The following WWOX variants were observed in gnomAD, a reference collection of about 807,000 sequenced individuals.
WWOX encodes WW domain containing oxidoreductase.
A neutral mutation model predicts 46.2 loss-of-function variants in WWOX; 69 were observed. The ratio of observed to expected loss-of-function variants is 1.49; its 90% CI spans 1.23 to 1.82. WWOX has a LOEUF of 1.82. Ranked by LOEUF, WWOX falls within the 40% of genes most tolerant of loss-of-function variation. The pLI, the probability that WWOX is intolerant of heterozygous loss-of-function variation, is 0.00. For missense variants in WWOX, 919 were observed against 542.6 expected (o/e 1.69, Z -6.89); for synonymous variants, 359 against 202.6 (o/e 1.77, Z -6.56).
At chr16:79,127,724 C>T (rs897876354) in intron 8 of WWOX, among the ~76,000 whole-genome samples, 7 of 152,108 alleles carry the variant, frequency 4.6e-5, no homozygotes, top group Admixed American at 4.6e-4. Flanking sequence ...ATTTACATTC[C>T]CACTAAGCAA....
chr16:78,270,079 G>A (rs1295689339), intron 5 of WWOX: 2 of 151,862 alleles, frequency 1.3e-5, no homozygotes, highest in African/African-American at 4.8e-5. Context: ...TTGATGTTAA[G>A]CCTCAAAATC....
At chr16:78,821,079 G>C (rs950370048) in intron 8 of WWOX, among the ~76,000 whole-genome samples, 1 of 152,160 alleles carries the variant, frequency 6.6e-6, no homozygotes, top group African/African-American at 2.4e-5. Context: ...CGTTGGTTCT[G>C]AGTGAACATG....
At chr16:78,358,884 T>TA in intron 5 of WWOX, among the ~76,000 whole-genome samples, 1 of 148,876 alleles carries the variant, frequency 6.7e-6, no homozygotes, top group Admixed American at 6.7e-5. Flanking sequence ...TTTTTTTTTT[T>TA]AACCAGACAT....
chr16:78,507,210 C>CTATAT (rs2085230439), intron 8 of WWOX, among the ~76,000 whole-genome samples: 1 of 152,112 alleles, frequency 6.6e-6, no homozygotes. Context: ...TGTGTGCTGA[C>CTATAT]TATATTTAAA....
chr16:78,133,520 C>T (rs902924221), intron 4 of WWOX, among the ~76,000 whole-genome samples: 3 of 152,194 alleles, frequency 2.0e-5, no homozygotes, highest in African/African-American at 7.2e-5. Flanking sequence ...CTTGGCCTCC[C>T]AAAGTGCTGG....
chr16:78,445,968 A>G (rs983329376), intron 8 of WWOX, among the ~76,000 whole-genome samples: 1 of 152,134 alleles, frequency 6.6e-6, no homozygotes, highest in Non-Finnish European at 1.5e-5. Context: ...TGCTTTGGAA[A>G]ATGGGCTGTG....
chr16:79,201,988 C>T (rs937971635), intron 8 of WWOX, among the ~76,000 whole-genome samples: 1 of 152,170 alleles, frequency 6.6e-6, no homozygotes, highest in Non-Finnish European at 1.5e-5. Flanking sequence ...TCTTTAATAA[C>T]AGTCTTAATC....
rs150833203 is a variant in WWOX, at chr16:78,799,959, C to T, written c.1056+367207C>T. Among the ~76,000 whole-genome samples the T allele has an allele frequency of 5.4e-3, 825 of 152,228 alleles. 12 individuals are homozygous for T. The highest frequency in any genetic ancestry group is 0.018 in the African/African-American group (764 of 41,538). ...TCAGGCACTAGTTAGGAACTTCCCC[C>T]GCGTCTGGCATTGCAGGTCTGAGGT... On this transcript the variant is annotated intron_variant, in intron 8 of 8. Coordinates refer to ENST00000566780, the MANE Select transcript of WWOX (RefSeq NM_016373.4).
intron 8 of WWOX, among the ~76,000 whole-genome samples, chr16:79,210,567 C>T (rs1186456316): frequency 1.3e-5 from 2 of 152,246 alleles, no homozygotes; most frequent in Admixed American, 1.3e-4. Context: ...CTTGCAACCC[C>T]TCTCCCTCTC....
At chr16:79,050,809 C>T (rs561480542) in intron 8 of WWOX, among the ~76,000 whole-genome samples, 2 of 152,360 alleles carry the variant, frequency 1.3e-5, no homozygotes, top group African/African-American at 2.4e-5. Flanking sequence ...TGCTTCTCTT[C>T]TGCCGCCTTT....
chr16:78,613,456 C>T (rs748763298), intron 8 of WWOX, among the ~76,000 whole-genome samples: 10 of 152,166 alleles, frequency 6.6e-5, no homozygotes, highest in Non-Finnish European at 1.3e-4. Flanking sequence ...GGGAAACCTA[C>T]CTCTGGCAGA....
intron 8 of WWOX, among the ~76,000 whole-genome samples, chr16:79,187,426 A>C (rs2051038937): frequency 6.6e-6 from 1 of 152,180 alleles, no homozygotes; most frequent in Admixed American, 6.5e-5. Context: ...TTTGAGACAG[A>C]GTATCGCTCT....
intron 5 of WWOX, among the ~76,000 whole-genome samples, chr16:78,252,730 A>C (rs1329632780): frequency 1.3e-5 from 2 of 152,248 alleles, no homozygotes; most frequent in Admixed American, 6.5e-5. Flanking sequence ...TAGATAACAC[A>C]ATACATATTT....
chr16:79,160,245 C>T (rs993371900), intron 8 of WWOX, among the ~76,000 whole-genome samples: 1 of 152,140 alleles, frequency 6.6e-6, no homozygotes, highest in Non-Finnish European at 1.5e-5. Context: ...GATGTATAGA[C>T]ATCCCTGGTC....
At chr16:78,677,982 AAT>A (rs1404399343) in intron 8 of WWOX, among the ~76,000 whole-genome samples, 2 of 152,172 alleles carry the variant, frequency 1.3e-5, no homozygotes, top group African/African-American at 4.8e-5. Flanking sequence ...CACTGTTTAA[AAT>A]AGCAAATTTC....
chr16:79,170,953 T>C (rs746998321), intron 8 of WWOX, among the ~76,000 whole-genome samples: 57 of 152,320 alleles, frequency 3.7e-4, no homozygotes, highest in Non-Finnish European at 5.7e-4. Context: ...TATCTAAATA[T>C]TCCTGCATGC....
intron 8 of WWOX, among the ~76,000 whole-genome samples, chr16:79,014,952 T>G (rs370589252): frequency 1.3e-5 from 2 of 152,184 alleles, no homozygotes; most frequent in East Asian, 3.9e-4. Flanking sequence ...CTGTGATATG[T>G]AGGAGAAGGA....
intron 8 of WWOX, among the ~76,000 whole-genome samples, chr16:78,739,200 G>A (rs777522832): frequency 6.6e-6 from 1 of 152,048 alleles, no homozygotes; most frequent in Non-Finnish European, 1.5e-5. Flanking sequence ...TTAAGTACCC[G>A]GCTAAAATTG....
At chr16:78,318,445 ATAT>A (rs1157850398) in intron 5 of WWOX, among the ~76,000 whole-genome samples, 4 of 151,762 alleles carry the variant, frequency 2.6e-5, no homozygotes, top group East Asian at 1.9e-4. Flanking sequence ...GTCAAAAATA[ATAT>A]TATTCTGTTG....
Sources: gnomAD v4.1 joint callset for allele counts (sites outside exome capture counted in the v4.1 genomes callset) on GRCh38, gnomAD v4.1.1 for gene constraint, MANE v1.5 for transcripts, NCBI Gene and HGNC (gene_info 2026-07-23, HGNC 2026-07-21) for gene names.